Variants in NTN4 observed in about 807,000 individuals in gnomAD.
NTN4 encodes the protein netrin 4.
A neutral mutation model predicts 73.6 loss-of-function variants in NTN4; 32 were observed. The observed-to-expected ratio is 0.44, with a 90% CI of 0.33 to 0.58. The LOEUF is 0.58. Among genes scored for constraint, NTN4 ranks in the 20% least tolerant of loss-of-function variants. The pLI is 0.04. For synonymous variants in NTN4, 258 were observed against 287.5 expected (o/e 0.90, Z 1.04); for missense variants, 654 against 798.3 (o/e 0.82, Z 2.18).
chr12:95,666,933 T>C (rs2078184991), intron 8 of NTN4, among the ~76,000 whole-genome samples: 1 of 122,770 alleles, frequency 8.1e-6, no homozygotes, highest in African/African-American at 3.2e-5. Flanking sequence ...GCTGATGAAC[T>C]GAAACAAAAA....
intron 5 of NTN4, among the ~76,000 whole-genome samples, chr12:95,687,934 A>G (rs1230532020): frequency 6.6e-6 from 1 of 152,140 alleles, no homozygotes; most frequent in Non-Finnish European, 1.5e-5. Flanking sequence ...TGAGAAGTTT[A>G]GTGTGCCTGA....
intron 3 of NTN4, among the ~76,000 whole-genome samples, chr12:95,727,251 C>A (rs1056769043): frequency 2.0e-5 from 3 of 152,100 alleles, no homozygotes; most frequent in Non-Finnish European, 4.4e-5. Flanking sequence ...TCATTCAAAT[C>A]TTTTACTGAT....
At chr12:95,668,093 T>C (rs899045326) in intron 8 of NTN4, among the ~76,000 whole-genome samples, 1 of 151,986 alleles carries the variant, frequency 6.6e-6, no homozygotes, top group Non-Finnish European at 1.5e-5. Flanking sequence ...TGTCTGTCAC[T>C]TCTATTGCTC....
rs140460424 is a variant in NTN4 at position 95,676,252 on chromosome 12, C to T, written c.1511-6106G>A. 1.1e-3 allele frequency among the ~76,000 whole-genome samples: 165 copies of T among 151,930 alleles called. 1 individual carries two copies. The highest frequency in any genetic ancestry group is 3.6e-3 in the African/African-American group (151 of 41,448). The stretch of plus-strand genomic sequence containing the variant: ...CCAAGTAGCTGGGATCACAGGTACG[C>T]GCCACCACACCCAGCTAATTTTTTT... On this transcript the variant is annotated intron_variant, in intron 7 of 9. Coordinates refer to ENST00000343702, the MANE Select transcript of NTN4 (RefSeq NM_021229.4).
Position 95,715,367 on chromosome 12 carries a change from C to T in NTN4, c.865-2029G>A, listed in dbSNP as rs140844418. ...ATTTTTTAAAAATAGGGTAAATTGG[C>T]TCCTTGAAAAAAAGATGATGTTGCA... is the stretch of plus-strand genomic sequence containing the variant. On this transcript the variant is annotated intron_variant, in intron 3 of 9. Coordinates refer to ENST00000343702, the MANE Select transcript of NTN4 (RefSeq NM_021229.4). Among the ~76,000 whole-genome samples the T allele has an allele frequency of 2.6e-5, 4 of 151,976 alleles. No homozygotes were observed. The East Asian group carries it at 7.7e-4, about 29-fold the overall frequency.
chr12:95,738,695 T>C (rs1307216264), intron 2 of NTN4, among the ~76,000 whole-genome samples: 2 of 152,212 alleles, frequency 1.3e-5, no homozygotes, highest in Non-Finnish European at 2.9e-5. Context: ...AACTCTCTCT[T>C]TTTGGATATA....
At position 95,735,019 on chromosome 12, in the gene NTN4, A is replaced by G. The variant is rs143775397; in HGVS notation, c.864+2847T>C. 3.6e-3 allele frequency among the ~76,000 whole-genome samples: 542 copies of G among 152,358 alleles called. 3 individuals are homozygous for G. Among genetic ancestry groups the G allele is most frequent in the African/African-American group, 0.012 (518 of 41,580 alleles). ...GTGCCATTGCACTCCAGCCTGGGCA[A>G]CAAGAGCGAAACTCCATCTCAAAAA... On this transcript the variant is annotated intron_variant, in intron 3 of 9. Transcript: ENST00000343702.
intron 3 of NTN4, among the ~76,000 whole-genome samples, chr12:95,717,615 C>T (rs1185137448): frequency 6.6e-6 from 1 of 150,800 alleles, no homozygotes; most frequent in Non-Finnish European, 1.5e-5. Context: ...AAAGATCATC[C>T]ACTATTTGAT....
At chr12:95,672,722 G>T in intron 7 of NTN4, 2 of 1,417,368 alleles carry the variant, frequency 1.4e-6, no homozygotes. Context: ...AGTAAGGATC[G>T]TAGGTATGCA....
chr12:95,763,935 G>A (rs1175404292), intron 2 of NTN4, among the ~76,000 whole-genome samples: 1 of 152,182 alleles, frequency 6.6e-6, no homozygotes, highest in Admixed American at 6.5e-5. Context: ...GGTAAAACTG[G>A]AATGCAAGAC....
chr12:95,767,040 T>C (rs1379399475), intron 2 of NTN4, among the ~76,000 whole-genome samples: 1 of 152,220 alleles, frequency 6.6e-6, no homozygotes, highest in Non-Finnish European at 1.5e-5. Context: ...ACAGTTCTGA[T>C]TATGTTATCT....
intron 6 of NTN4, 88 bp downstream of exon 6, chr12:95,683,410 A>T: frequency 8.0e-7 from 1 of 1,252,652 alleles, no homozygotes; most frequent in Non-Finnish European, 1.1e-6. Flanking sequence ...TTGCTCCATT[A>T]ACAGAATGCA....
intron 3 of NTN4, 90 bp downstream of exon 3, chr12:95,737,776 C>G: frequency 1.6e-6 from 2 of 1,287,054 alleles, no homozygotes; most frequent in South Asian, 3.0e-5. Context: ...AAAAAATCAG[C>G]AGCACTATGT....
chr12:95,765,368 G>A (rs1387751277), intron 2 of NTN4, among the ~76,000 whole-genome samples: 1 of 151,986 alleles, frequency 6.6e-6, no homozygotes, highest in Non-Finnish European at 1.5e-5. Context: ...CTGCTTTAAT[G>A]AGAAGACACA....
At chr12:95,663,014 A>G (rs1045837762) in intron 9 of NTN4, among the ~76,000 whole-genome samples, 6 of 152,038 alleles carry the variant, frequency 3.9e-5, no homozygotes, top group Non-Finnish European at 8.8e-5. Context: ...TAGCTACTCA[A>G]GAGGCTGAGG....
intron 2 of NTN4, among the ~76,000 whole-genome samples, chr12:95,761,032 AG>A (rs574478985): frequency 3.9e-5 from 6 of 152,202 alleles, no homozygotes; most frequent in Non-Finnish European, 7.3e-5. Context: ...TTGTTGTATT[AG>A]GAGGTATGCG....
At position 95,713,448 on chromosome 12, in the gene NTN4, T is replaced by C. The variant is rs540816406; in HGVS notation, c.865-110A>G. The stretch of plus-strand genomic sequence containing the variant: ...ATTGGCTTTAGTCATAAGATGTTCA[T>C]TCACTTTCCTGAAGAAGTTAGCCAT... On this transcript the variant is annotated intron_variant, in intron 3 of 9. Transcript: ENST00000343702. The C allele has an allele frequency of 1.0e-4, 130 of 1,248,426 alleles. 1 individual carries two copies. The South Asian group carries it at 2.3e-3, about 23-fold the overall frequency. 77.3% of individuals were successfully genotyped at this position (1,248,426 alleles called of 1,614,324 possible).
At chr12:95,749,687 T>A (rs1283127486) in intron 2 of NTN4, among the ~76,000 whole-genome samples, 1 of 152,198 alleles carries the variant, frequency 6.6e-6, no homozygotes, top group Non-Finnish European at 1.5e-5. Context: ...AGGTGTCAGA[T>A]CACGCAGGGA....
rs1257935622 is a variant in NTN4, at chr12:95,667,887, T to A, written c.1580-1907A>T. On this transcript the variant is annotated intron_variant, in intron 8 of 9. Coordinates refer to ENST00000343702, the MANE Select transcript of NTN4 (RefSeq NM_021229.4). ...AAAAATAAATAAATAAATAAATAAA[T>A]AAATAAAACAAATAAATAAAGTGAA... 2.8e-5 allele frequency among the ~76,000 whole-genome samples: 4 copies of A among 142,164 alleles called. No homozygotes were observed. The East Asian group carries it at 8.4e-4, about 30-fold the overall frequency. 93.3% of individuals were successfully genotyped at this position (142,164 alleles called of 152,430 possible). A position where few individuals can be genotyped will look rare whatever the true frequency, so the allele number is the denominator to read the frequency against.
Sources: allele counts gnomAD v4.1 joint callset (sites outside exome capture counted in the v4.1 genomes callset), GRCh38; gene constraint gnomAD v4.1.1; transcripts MANE v1.5; gene names NCBI Gene and HGNC (gene_info 2026-07-23, HGNC 2026-07-21).